GMDS: variants seen among roughly 807,000 people sequenced by gnomAD.
GMDS encodes GDP-mannose 4,6-dehydratase.
In GMDS, 20 loss-of-function variants were observed where a neutral mutation model predicts 49.9. That is an observed-to-expected ratio of 0.40 (90% CI 0.28 to 0.58). The LOEUF (loss-of-function observed/expected upper bound fraction) is 0.58. GMDS is among the 20% of genes least tolerant of loss of function. GMDS has a pLI of 0.42. For missense variants in GMDS, 362 were observed against 481.4 expected, an observed-to-expected ratio of 0.75 and a Z score of 2.32; for synonymous variants, 177 against 178.6, an observed-to-expected ratio of 0.99 and a Z score of 0.07.
chr6:2,158,572 C>G (rs1167645681), intron 1 of GMDS, among the ~76,000 whole-genome samples: 2 of 152,310 alleles, frequency 1.3e-5, no homozygotes, highest in Admixed American at 1.3e-4. Flanking sequence ...ATAGGAACTT[C>G]CAACCTCAGT....
intron 1 of GMDS, among the ~76,000 whole-genome samples, chr6:2,144,346 G>A (rs1325030226): frequency 6.6e-6 from 1 of 152,214 alleles, no homozygotes; most frequent in Non-Finnish European, 1.5e-5. Context: ...CCGCCATGCA[G>A]GCCACACTGG....
intron 4 of GMDS, among the ~76,000 whole-genome samples, chr6:1,966,675 A>C (rs1049806707): frequency 1.3e-5 from 2 of 152,238 alleles, no homozygotes; most frequent in Non-Finnish European, 2.9e-5. Context: ...CCTCCAGGGC[A>C]CCTCTTGGAG....
At chr6:1,692,371 T>C (rs1765203836) in intron 9 of GMDS, among the ~76,000 whole-genome samples, 1 of 152,260 alleles carries the variant, frequency 6.6e-6, no homozygotes, top group Non-Finnish European at 1.5e-5. Context: ...TCATCTATCC[T>C]ATTAGTTCTG....
chr6:2,085,672 G>T (rs1772969805), intron 4 of GMDS, among the ~76,000 whole-genome samples: 1 of 151,980 alleles, frequency 6.6e-6, no homozygotes, highest in Admixed American at 6.6e-5. Context: ...GGGACTACAG[G>T]CGCTCACCAC....
At chr6:2,098,919 T>C (rs1773765233) in intron 4 of GMDS, among the ~76,000 whole-genome samples, 1 of 152,162 alleles carries the variant, frequency 6.6e-6, no homozygotes, top group African/African-American at 2.4e-5. Context: ...TTAGAAACTC[T>C]ACAAATCAAC....
intron 7 of GMDS, among the ~76,000 whole-genome samples, chr6:1,887,910 T>C (rs1334499187): frequency 6.6e-6 from 1 of 152,146 alleles, no homozygotes; most frequent in Non-Finnish European, 1.5e-5. Context: ...GTAGATGTTA[T>C]ATAAATAGTT....
rs115845956 is a variant in GMDS at position 2,084,411 on chromosome 6, C to T, written c.345+31360G>A. Reference sequence around the variant, plus strand: ...GTTCAAGTAGCAGATGATGATCAAACTTTCCAATCTCTAAAATAGCTCCCA... The same window carrying T: ...GTTCAAGTAGCAGATGATGATCAAATTTTCCAATCTCTAAAATAGCTCCCA... On this transcript the variant is annotated intron_variant, in intron 4 of 10. Transcript: ENST00000380815. 5.2e-3 allele frequency among the ~76,000 whole-genome samples: 791 copies of T among 152,306 alleles called. 5 individuals carry two copies. Among genetic ancestry groups the T allele is most frequent in the African/African-American group, 0.018 (752 of 41,570 alleles).
intron 4 of GMDS, among the ~76,000 whole-genome samples, chr6:2,016,197 T>G (rs1186198657): frequency 4.7e-5 from 7 of 150,254 alleles, no homozygotes; most frequent in African/African-American, 1.7e-4. Context: ...AAGTTGAGGC[T>G]GCAGTGAGCT....
rs180837221 is a variant in GMDS at position 2,227,942 on chromosome 6, C to T, written c.102+17379G>A. 2.2e-3 allele frequency among the ~76,000 whole-genome samples: 340 copies of T among 152,330 alleles called. 1 individual carries two copies. The highest frequency in any genetic ancestry group is 2.1e-3 in the Non-Finnish European group (145 of 68,030). ...ACACATAACCATGCTCAATGAGAGC[C>T]AACCTGTGGCTGTGCGGCCCTTTCT... is the stretch of plus-strand genomic sequence containing the variant. On this transcript the variant is annotated intron_variant, in intron 1 of 10. Coordinates refer to ENST00000380815, the MANE Select transcript of GMDS (RefSeq NM_001500.4).
chr6:2,182,834 T>A (rs1280562653), intron 1 of GMDS, among the ~76,000 whole-genome samples: 5 of 152,068 alleles, frequency 3.3e-5, no homozygotes, highest in Non-Finnish European at 7.4e-5. Context: ...GCTTCCCGAG[T>A]AACTGGGACT....
At chr6:2,170,639 A>T (rs766600289) in intron 1 of GMDS, among the ~76,000 whole-genome samples, 10 of 151,640 alleles carry the variant, frequency 6.6e-5, no homozygotes, top group East Asian at 3.9e-4. Flanking sequence ...AAAAAAATAA[A>T]AAAAAAAAAG....
intron 4 of GMDS, among the ~76,000 whole-genome samples, chr6:1,996,766 C>T (rs1340898440): frequency 6.6e-6 from 1 of 152,034 alleles, no homozygotes; most frequent in Non-Finnish European, 1.5e-5. Context: ...GGTCACATGA[C>T]CACACCTAGG....
At chr6:1,984,213 C>T (rs1324204337) in intron 4 of GMDS, among the ~76,000 whole-genome samples, 1 of 151,988 alleles carries the variant, frequency 6.6e-6, no homozygotes, top group Admixed American at 6.6e-5. Flanking sequence ...CACACTGGGG[C>T]CTGTCAGAGG....
intron 9 of GMDS, among the ~76,000 whole-genome samples, chr6:1,660,012 G>A (rs765549172): frequency 4.7e-5 from 7 of 150,200 alleles, no homozygotes; most frequent in Non-Finnish European, 8.9e-5. Flanking sequence ...AGACTCCAAC[G>A]TCCAGTGAGA....
intron 4 of GMDS, among the ~76,000 whole-genome samples, chr6:2,071,889 C>G (rs1275374219): frequency 6.6e-6 from 1 of 152,182 alleles, no homozygotes; most frequent in African/African-American, 2.4e-5. Context: ...GTTCACAGCA[C>G]ATACCTATAC....
intron 7 of GMDS, among the ~76,000 whole-genome samples, chr6:1,761,885 T>A (rs1009911833): frequency 6.6e-6 from 1 of 152,004 alleles, no homozygotes; most frequent in Non-Finnish European, 1.5e-5. Context: ...ATTGGTGAAA[T>A]TAAAAGCAAC....
intron 9 of GMDS, among the ~76,000 whole-genome samples, chr6:1,663,712 G>A (rs1014157537): frequency 1.2e-4 from 19 of 152,132 alleles, no homozygotes; most frequent in African/African-American, 4.6e-4. Context: ...CAGGGCCTTT[G>A]CACAGGAGTC....
intron 9 of GMDS, among the ~76,000 whole-genome samples, chr6:1,629,312 C>T (rs1762929845): frequency 6.6e-6 from 1 of 152,152 alleles, no homozygotes; most frequent in Admixed American, 6.5e-5. Context: ...CCCCTCTGTT[C>T]CCTTACTGCT....
intron 9 of GMDS, among the ~76,000 whole-genome samples, chr6:1,696,325 C>G (rs1460551974): frequency 6.6e-6 from 1 of 152,252 alleles, no homozygotes; most frequent in Non-Finnish European, 1.5e-5. Context: ...AGGGCCTACG[C>G]CGTGATTTGC....
Sources: gnomAD v4.1 joint callset for allele counts (sites outside exome capture counted in the v4.1 genomes callset) on GRCh38, gnomAD v4.1.1 for gene constraint, MANE v1.5 for transcripts, NCBI Gene and HGNC (gene_info 2026-07-23, HGNC 2026-07-21) for gene names.